The following SMPD1 variants were observed in gnomAD, a reference collection of about 807,000 sequenced individuals.
SMPD1 encodes sphingomyelin phosphodiesterase 1, also known as sphingomyelin phosphodiesterase.
Under a neutral mutation model 49.7 loss-of-function variants are expected in SMPD1, and 47 were observed. That is an observed-to-expected ratio of 0.95 (90% CI 0.75 to 1.21). The LOEUF is 1.21. Among genes scored for constraint, SMPD1 ranks in the 50% most tolerant of loss-of-function variants. The pLI is 0.00. For synonymous variants in SMPD1, 336 were observed against 339.6 expected (o/e 0.99, Z 0.12); for missense variants, 811 against 822.2 (o/e 0.99, Z 0.17).
In SMPD1 at chr11:6,391,785, G is replaced by T. The variant is rs879868810; in HGVS notation, c.720G>T (p.Arg240=). 1.2e-6 allele frequency: 2 copies of T among 1,612,156 alleles called. No homozygotes were observed. Among genetic ancestry groups the T allele is most frequent in the Non-Finnish European group, 1.7e-6 (2 of 1,180,030 alleles). The change falls in exon 2 of 6, where the codon CGG becomes CGT. Residue 240 remains arginine (R), a synonymous_variant. Transcript: ENST00000342245. The stretch of plus-strand genomic sequence containing the variant: ...GTTCTGGCCTGCCGCCCGCATCCCG[G>T]CCAGGTGCCGGATACTGGGGCGAAT... ...RRGSGLPPAS[R]PGAGYWGEYS... is the part of the protein sequence containing the mutation.
At chr11:6,393,157 C>T in intron 2 of SMPD1, 59 bp from the exon 3 acceptor site, 1 of 1,490,610 alleles carries the variant, frequency 6.7e-7, no homozygotes, top group Non-Finnish European at 9.3e-7. Flanking sequence ...CCCAAATGCC[C>T]AGCACAGGAG....
chr11:6,392,486 CTTTTTTTTTTTT>C (rs754271358), intron 2 of SMPD1, among the ~76,000 whole-genome samples: 4 of 45,748 alleles, frequency 8.7e-5, no homozygotes, highest in African/African-American at 2.7e-4. Context: ...CTGGCCCTCC[CTTTTTTTTTTTT>C]TTTTTTTTTT....
chr11:6,391,165 C>G (rs971189111), intron 1 of SMPD1, among the ~76,000 whole-genome samples: 7 of 152,214 alleles, frequency 4.6e-5, no homozygotes, highest in Non-Finnish European at 1.0e-4. Flanking sequence ...CAAGCAAAGG[C>G]CTCATGCCAC....
In SMPD1 at chr11:6,393,279, T is replaced by G; in HGVS notation, c.1155T>G (p.Asn385Lys). ...TCCGCCTCATCTCTCTCAATATGAA[T>G]TTTTGTTCCCGTGAGAACTTCTGGC... ...PGLRLISLNM[N>K]FCSRENFWLL... The change falls in exon 3 of 6, where the codon AAT becomes AAG. Residue 385 changes from asparagine (N) to lysine (K), a missense_variant. Physicochemically the swap from Asn to Lys is moderately conservative, Grantham distance 94. Coordinates refer to ENST00000342245, the MANE Select transcript of SMPD1 (RefSeq NM_000543.5). The G allele has an allele frequency of 6.2e-7, 1 of 1,613,906 alleles. No homozygotes were observed. The highest frequency in any genetic ancestry group is 8.5e-7 in the Non-Finnish European group (1 of 1,179,830).
rs368200803 is a variant in SMPD1, at chr11:6,390,851, G to A, written c.253G>A (p.Gly85Arg). The A allele has an allele frequency of 3.5e-4, 561 of 1,614,212 alleles. 3 individuals carry two copies. The South Asian group carries it at 5.3e-3, about 15-fold the overall frequency. Residue 85 changes from glycine to arginine, a missense_variant, in exon 1 of 6, where the codon GGG becomes AGG. Physicochemically the swap from Gly to Arg is moderately radical, Grantham distance 125. Transcript: ENST00000342245. Reference sequence around the variant, plus strand: ...AGTGCCCCGGCTCCGAGATGTCTTTGGGTGGGGGAACCTCACCTGCCCAAT... The same window carrying A: ...AGTGCCCCGGCTCCGAGATGTCTTTAGGTGGGGGAACCTCACCTGCCCAAT... ...RIVPRLRDVF[G>R]WGNLTCPICK...
Position 6,393,993 on chromosome 11 carries a change from G to A in SMPD1, c.1438G>A (p.Val480Ile). 4 of 1,614,232 alleles carry A rather than the reference G, an allele frequency of 2.5e-6. No individual in the cohort carries two copies. Among genetic ancestry groups the A allele is most frequent in the East Asian group, 2.2e-5 (1 of 44,884 alleles). ...AGAGACTCTGAGCCGGCCGCTGGCT[G>A]TAGCCTTCCTGGCACCCAGTGCAAC... The part of the protein sequence containing the change: ...DEETLSRPLA[V>I]AFLAPSATTY... The change falls in exon 5 of 6, where the codon GTA becomes ATA. Residue 480 changes from valine to isoleucine, a missense_variant. By Grantham distance (29) the Val-to-Ile change is conservative (BLOSUM62 3). Transcript: ENST00000342245.
At position 6,393,328 on chromosome 11, in the gene SMPD1, G is replaced by A. The variant is rs756594690; in HGVS notation, c.1204G>A (p.Ala402Thr). The A allele has an allele frequency of 5.0e-6, 8 of 1,613,820 alleles. No individual in the cohort carries two copies. The highest frequency in any genetic ancestry group is 2.7e-5 in the African/African-American group (2 of 74,892). ...FWLLINSTDPAGQLQWLVGEL... is the reference protein window; with the variant it reads ...FWLLINSTDPTGQLQWLVGEL... ...GCTCTTGATCAACTCCACGGATCCCGCAGGACAGCTCCAGTGGCTGGTGGG... is the reference window on the plus strand; with the variant it reads ...GCTCTTGATCAACTCCACGGATCCCACAGGACAGCTCCAGTGGCTGGTGGG... Residue 402 changes from alanine to threonine, a missense_variant, in exon 3 of 6, where the codon GCA (alanine) becomes ACA (threonine). Ala to Thr is a moderately conservative substitution (Grantham distance 58). Transcript: ENST00000342245.
rs1847880973 is a variant in SMPD1 at position 6,390,924 on chromosome 11, C to T, written c.318+8C>T. 1.2e-6 allele frequency: 2 copies of T among 1,613,792 alleles called. No homozygotes were observed. Among genetic ancestry groups the T allele is most frequent in the African/African-American group, 1.3e-5 (1 of 74,918 alleles). On this transcript the variant is annotated splice_region_variant and intron_variant, in intron 1 of 5. Transcript: ENST00000342245. ...ATCAACCTCGGGCTGAAGGTGAGCA[C>T]TGAAGGGGCTGCAGTGGAGGAGGCC...
Position 6,393,343 on chromosome 11 carries a change from T to C in SMPD1, c.1219T>C (p.Trp407Arg). ...CACGGATCCCGCAGGACAGCTCCAGTGGCTGGTGGGGGAGCTTCAGGCTGC... is the reference window on the plus strand; with the variant it reads ...CACGGATCCCGCAGGACAGCTCCAGCGGCTGGTGGGGGAGCTTCAGGCTGC... The part of the protein sequence containing the change: ...NSTDPAGQLQ[W>R]LVGELQAAED... The change falls in exon 3 of 6, where the codon TGG (tryptophan) becomes CGG (arginine). Residue 407 changes from tryptophan to arginine, a missense_variant. Transcript: ENST00000342245. The C allele has an allele frequency of 6.2e-7, 1 of 1,613,952 alleles. No individual in the cohort carries two copies. The highest frequency in any genetic ancestry group is 8.5e-7 in the Non-Finnish European group (1 of 1,179,854).
At chr11:6,392,326 A>G in intron 2 of SMPD1, 170 bp downstream of exon 2, 1 of 545,260 alleles carries the variant, frequency 1.8e-6, no homozygotes, top group African/African-American at 2.2e-5. Flanking sequence ...TTGCCGCACC[A>G]GGCTTTTTTT....
chr11:6,391,881 TGA>T lies in SMPD1; in HGVS notation c.817_818del (p.Asp273TyrfsTer12). 1 of 1,614,098 alleles carries T rather than the reference TGA, an allele frequency of 6.2e-7. No homozygotes were observed. ...GTGGGCTGGGCCCAGCCGGCCCTTT[TGA>T]TATGGTGTACTGGACAGGAGACATC... is the stretch of plus-strand genomic sequence containing the variant. ...LSGLGPAGPF[D>X]MVYWTGDIPA... On this transcript the variant is annotated frameshift_variant, in exon 2 of 6. Transcript: ENST00000342245. LOFTEE classifies it high-confidence loss of function.
chr11:6,394,298 G>A lies in SMPD1; in HGVS notation c.1587G>A (p.Pro529=), dbSNP rs140770832. ...YILNLTQANI[P]GAIPHWQLLY... is the part of the protein sequence containing the mutation. ...TGAATCTGACCCAGGCAAACATACC[G>A]GGAGCCATACCGCACTGGCAGCTTC... The change falls in exon 6 of 6, where the codon CCG becomes CCA. Residue 529 remains proline (P), a synonymous_variant. Transcript: ENST00000342245. 46 of 1,614,048 alleles carry A rather than the reference G, an allele frequency of 2.8e-5. No homozygotes were observed. Among genetic ancestry groups the A allele is most frequent in the Admixed American group, 2.2e-4 (13 of 60,006 alleles).
Position 6,393,259 on chromosome 11 carries a change from C to G in SMPD1, c.1135C>G (p.Leu379Val). 6.2e-7 allele frequency: 1 copy of G among 1,614,002 alleles called. No individual in the cohort carries two copies. The highest frequency in any genetic ancestry group is 8.5e-7 in the Non-Finnish European group (1 of 1,179,868). The change falls in exon 3 of 6, where the codon CTC becomes GTC. Residue 379 changes from leucine (L) to valine (V), a missense_variant. By Grantham distance (32) the Leu-to-Val change is conservative. Coordinates refer to ENST00000342245, the MANE Select transcript of SMPD1 (RefSeq NM_000543.5). Reference protein sequence around the residue: ...YALSPYPGLRLISLNMNFCSR... With the variant: ...YALSPYPGLRVISLNMNFCSR... ...TCTTTCCCCATACCCCGGTCTCCGC[C>G]TCATCTCTCTCAATATGAATTTTTG...
intron 5 of SMPD1, 51 bp downstream of exon 5, chr11:6,394,092 G>C: frequency 2.5e-6 from 4 of 1,613,932 alleles, no homozygotes; most frequent in Non-Finnish European, 3.4e-6. Context: ...GTGGGATAGG[G>C]GAAGGAGGTT....
At chr11:6,392,742 C>G (rs1451942598) in intron 2 of SMPD1, among the ~76,000 whole-genome samples, 2 of 151,906 alleles carry the variant, frequency 1.3e-5, no homozygotes, top group African/African-American at 4.8e-5. Flanking sequence ...ATCTGCCCAC[C>G]TCGGCCTCCC....
rs1460950759 is a variant in SMPD1, at chr11:6,394,327, A to G, written c.1616A>G (p.Tyr539Cys). ...PGAIPHWQLL[Y>C]RARETYGLPN... ...GCCATACCGCACTGGCAGCTTCTCT[A>G]CAGGGCTCGAGAAACCTATGGGCTG... is the stretch of plus-strand genomic sequence containing the variant. The change falls in exon 6 of 6, where the codon TAC becomes TGC. Residue 539 changes from tyrosine (Y) to cysteine (C), a missense_variant. Physicochemically the swap from Tyr to Cys is radical, Grantham distance 194 (BLOSUM62 -2). Coordinates refer to ENST00000342245, the MANE Select transcript of SMPD1 (RefSeq NM_000543.5). The G allele has an allele frequency of 6.2e-7, 1 of 1,614,232 alleles. No individual in the cohort carries two copies. Among genetic ancestry groups the G allele is most frequent in the East Asian group, 2.2e-5 (1 of 44,882 alleles).
rs142476839 is a variant in SMPD1, at chr11:6,392,056, C to A, written c.991C>A (p.Pro331Thr). 1 of 1,613,864 alleles carries A rather than the reference C, an allele frequency of 6.2e-7. No individual in the cohort carries two copies. Among genetic ancestry groups the A allele is most frequent in the Non-Finnish European group, 8.5e-7 (1 of 1,179,984 alleles). The change falls in exon 2 of 6, where the codon CCC becomes ACC. Residue 331 changes from proline (P) to threonine (T), a missense_variant. Coordinates refer to ENST00000342245, the MANE Select transcript of SMPD1 (RefSeq NM_000543.5). ...AAGCACACCTGTCAATAGCTTCCCT[C>A]CCCCCTTCATTGAGGGCAACCACTC... ...HESTPVNSFPPPFIEGNHSSR... is the reference protein window; with the variant it reads ...HESTPVNSFPTPFIEGNHSSR...
intron 1 of SMPD1, among the ~76,000 whole-genome samples, 170 bp from the exon 2 acceptor site, chr11:6,391,214 G>A (rs1257041659): frequency 1.3e-5 from 2 of 152,264 alleles, no homozygotes; most frequent in African/African-American, 4.8e-5. Flanking sequence ...GCCTGGTGCT[G>A]CCTGAGTTAC....
chr11:6,394,126 G>C, intron 5 of SMPD1, 72 bp from the exon 6 acceptor site: 1 of 1,612,546 alleles, frequency 6.2e-7, no homozygotes, highest in South Asian at 1.1e-5. Context: ...GCAAAGCATG[G>C]GCAGGATGTG....
Sources: allele counts gnomAD v4.1 joint callset (sites outside exome capture counted in the v4.1 genomes callset), GRCh38; gene constraint gnomAD v4.1.1; transcripts MANE v1.5; gene names NCBI Gene and HGNC (gene_info 2026-07-23, HGNC 2026-07-21).